The following LRRC59 variants were observed in gnomAD, a reference collection of about 807,000 sequenced individuals.
LRRC59 encodes the protein leucine-rich repeat-containing protein 59.
LRRC59 carries 18 observed loss-of-function variants against 33.5 expected under a neutral mutation model. The ratio of observed to expected loss-of-function variants is 0.54; its 90% CI spans 0.37 to 0.80. LRRC59 has a LOEUF of 0.80. Among genes scored for constraint, LRRC59 ranks in the 30% least tolerant of loss-of-function variants. The pLI is 0.00. For missense variants in LRRC59, 330 were observed against 391.9 expected (o/e 0.84, Z 1.33); for synonymous variants, 138 against 160.0 (o/e 0.86, Z 1.04).
Position 50,392,720 on chromosome 17 carries a change from C to T in LRRC59, c.324+19G>A, listed in dbSNP as rs950240419. ...TCTCTGCCACCCTGGCCATGAAACACTGGTTCATGAATTGTTACCTTGAGC... is the reference window on the plus strand; with the variant it reads ...TCTCTGCCACCCTGGCCATGAAACATTGGTTCATGAATTGTTACCTTGAGC... On this transcript the variant is annotated intron_variant, in intron 3 of 6. Coordinates refer to ENST00000225972, the MANE Select transcript of LRRC59 (RefSeq NM_018509.4). The T allele has an allele frequency of 6.2e-7, 1 of 1,610,866 alleles. No individual in the cohort carries two copies. Among genetic ancestry groups the T allele is most frequent in the African/African-American group, 1.3e-5 (1 of 75,002 alleles).
intron 4 of LRRC59, among the ~76,000 whole-genome samples, chr17:50,388,986 A>C (rs1320917855): frequency 1.3e-5 from 2 of 152,214 alleles, no homozygotes; most frequent in African/African-American, 4.8e-5. Context: ...AGCTAATTGC[A>C]GGCATTCAAT....
At chr17:50,394,663 A>C (rs548993577) in intron 2 of LRRC59, among the ~76,000 whole-genome samples, 1 of 152,218 alleles carries the variant, frequency 6.6e-6, no homozygotes, top group Non-Finnish European at 1.5e-5. Context: ...TAAGTTACTC[A>C]GCACCCTGTT....
chr17:50,389,598 A>C (rs1461799311), intron 4 of LRRC59, among the ~76,000 whole-genome samples: 1 of 152,256 alleles, frequency 6.6e-6, no homozygotes, highest in African/African-American at 2.4e-5. Context: ...AGAAAAAAGA[A>C]GAAAACCCAA....
chr17:50,394,392 G>C (rs990373789), intron 2 of LRRC59, among the ~76,000 whole-genome samples: 2 of 152,136 alleles, frequency 1.3e-5, no homozygotes, highest in Non-Finnish European at 2.9e-5. Flanking sequence ...AAAATAAAAA[G>C]GATTTGATCA....
Position 50,388,057 on chromosome 17 carries a change from T to G in LRRC59, c.502+3A>C. 6.2e-7 allele frequency: 1 copy of G among 1,614,162 alleles called. No individual in the cohort carries two copies. Among genetic ancestry groups the G allele is most frequent in the Non-Finnish European group, 8.5e-7 (1 of 1,180,000 alleles). On this transcript the variant is annotated splice_donor_region_variant and intron_variant, in intron 5 of 6. Transcript: ENST00000225972. Reference sequence around the variant, plus strand: ...GATAACTACAAGAGGGACAGCCACCTACCACGTTCTACTTCCAGCCGCCGC... The same window carrying G: ...GATAACTACAAGAGGGACAGCCACCGACCACGTTCTACTTCCAGCCGCCGC...
In LRRC59 at chr17:50,397,223, A is replaced by G; in HGVS notation, c.95T>C (p.Val32Ala). 1 of 1,599,882 alleles carries G rather than the reference A, an allele frequency of 6.3e-7. No homozygotes were observed. The highest frequency in any genetic ancestry group is 8.5e-7 in the Non-Finnish European group (1 of 1,174,120). The change falls in exon 1 of 7, where the codon GTG becomes GCG. Residue 32 changes from valine to alanine, a missense_variant. Val to Ala is a moderately conservative substitution (Grantham distance 64, BLOSUM62 0). Transcript: ENST00000225972. ...LSLSDLNEVPVKELAALPKAT... is the reference protein window; with the variant it reads ...LSLSDLNEVPAKELAALPKAT... ...CGGGACGATACTGACCAGCTCCTTC[A>G]CCGGGACCTCATTCAGGTCGCTGAG...
At chr17:50,384,575 G>A (rs1448246062) in intron 6 of LRRC59, among the ~76,000 whole-genome samples, 1 of 152,084 alleles carries the variant, frequency 6.6e-6, no homozygotes, top group Non-Finnish European at 1.5e-5. Context: ...AGACCAGCCC[G>A]ACCAACATGC....
At position 50,392,626 on chromosome 17, in the gene LRRC59, C is replaced by CT. The variant is rs1324489969; in HGVS notation, c.324+112dup. On this transcript the variant is annotated intron_variant, in intron 3 of 6. Coordinates refer to ENST00000225972, the MANE Select transcript of LRRC59 (RefSeq NM_018509.4). ...GTGTTCCACATATAGGGAGCGCCAT[C>CT]TGAGGCAGGACCAACAAGGGGGTAT... 3 of 1,504,094 alleles carry CT rather than the reference C, an allele frequency of 2.0e-6. No individual in the cohort carries two copies. In the Admixed American group the frequency reaches 5.2e-5, roughly 26 times the overall value. 93.2% of individuals were successfully genotyped at this position (1,504,094 alleles called of 1,614,324 possible).
chr17:50,397,378 G>GT lies in LRRC59; in HGVS notation c.-62dup. On this transcript the variant is annotated 5_prime_UTR_variant, in exon 1 of 7. Coordinates refer to ENST00000225972, the MANE Select transcript of LRRC59 (RefSeq NM_018509.4). ...TCCGGCGGGTGAAAGGAGCTGAAAT[G>GT]TCGCTTGTCAGTTCAGCGGCCCCCC... 1.5e-6 allele frequency: 2 copies of GT among 1,364,516 alleles called. No homozygotes were observed. Among genetic ancestry groups the GT allele is most frequent in the Non-Finnish European group, 2.0e-6 (2 of 986,278 alleles). 84.5% of individuals were successfully genotyped at this position (1,364,516 alleles called of 1,614,324 possible). A position where few individuals can be genotyped will look rare whatever the true frequency, so the allele number is the denominator to read the frequency against.
rs1598366233 is a variant in LRRC59 at position 50,381,338 on chromosome 17, C to A, written c.*1650G>T. 2.4e-5 allele frequency: 5 copies of A among 209,246 alleles called. No individual in the cohort carries two copies. In the East Asian group the frequency reaches 5.7e-4, roughly 24 times the overall value. The allele number at this position is 209,246 out of a possible 1,614,324, so 13.0% of individuals were successfully genotyped here. A position where few individuals can be genotyped will look rare whatever the true frequency, so the allele number is the denominator to read the frequency against. ...TGCGGGTTGGCTTGACTGGGCTCAG[C>A]CACTGAGCTGCCTCAACCGGCCAAG... On this transcript the variant is annotated 3_prime_UTR_variant, in exon 7 of 7. Coordinates refer to ENST00000225972, the MANE Select transcript of LRRC59 (RefSeq NM_018509.4).
chr17:50,385,837 A>C (rs1021526365), intron 5 of LRRC59, among the ~76,000 whole-genome samples: 2 of 152,176 alleles, frequency 1.3e-5, no homozygotes, highest in African/African-American at 4.8e-5. Context: ...AGCTGGGAGT[A>C]TCACTTGAGG....
At chr17:50,388,276 C>G (rs923931359) in intron 4 of LRRC59, 144 bp from the exon 5 acceptor site, 1 of 710,488 alleles carries the variant, frequency 1.4e-6, no homozygotes, top group African/African-American at 1.8e-5. Flanking sequence ...TGGTGGCTCA[C>G]GCCTGTAACC....
chr17:50,387,160 T>C (rs1051239170), intron 5 of LRRC59, among the ~76,000 whole-genome samples: 2 of 150,232 alleles, frequency 1.3e-5, no homozygotes, highest in Admixed American at 6.6e-5. Context: ...TATGACAGAG[T>C]GACAGGTAGA....
chr17:50,397,115 G>T (rs1327951340), intron 1 of LRRC59, 98 bp downstream of exon 1: 2 of 940,940 alleles, frequency 2.1e-6, no homozygotes, highest in Non-Finnish European at 3.1e-6. Context: ...TTAAAGAAAA[G>T]GAAACTGATG....
In LRRC59 at chr17:50,382,152, G is replaced by T. The variant is rs1913871211; in HGVS notation, c.*836C>A. 1 of 152,580 alleles carries T rather than the reference G, an allele frequency of 6.6e-6. No homozygotes were observed. The highest frequency in any genetic ancestry group is 1.5e-5 in the Non-Finnish European group (1 of 68,038). The allele number at this position is 152,580 out of a possible 1,614,324, so 9.5% of individuals were successfully genotyped here. ...TATGGAAGCCACATAAGTTGGGCAG[G>T]ACTCCACAGGAGCTGCCCGTGACCT... On this transcript the variant is annotated 3_prime_UTR_variant, in exon 7 of 7. Coordinates refer to ENST00000225972, the MANE Select transcript of LRRC59 (RefSeq NM_018509.4).
At chr17:50,384,883 C>T (rs556506734) in intron 6 of LRRC59, among the ~76,000 whole-genome samples, 1 of 152,112 alleles carries the variant, frequency 6.6e-6, no homozygotes, top group East Asian at 1.9e-4. Flanking sequence ...CAAGATACAT[C>T]TGACCCAAAC....
chr17:50,386,187 AAG>A (rs1913999280), intron 5 of LRRC59: 1 of 152,204 alleles, frequency 6.6e-6, no homozygotes, highest in African/African-American at 2.4e-5. Context: ...AGAAGGAAGA[AAG>A]AAATCTCTAA....
intron 5 of LRRC59, chr17:50,386,086 C>CAA (rs1913994445): frequency 1.3e-5 from 2 of 151,890 alleles, no homozygotes; most frequent in Non-Finnish European, 2.9e-5. Context: ...GTAACAATGG[C>CAA]AATGTGTTCT....
In LRRC59 at chr17:50,381,982, G is replaced by T. The variant is rs1277059200; in HGVS notation, c.*1006C>A. On this transcript the variant is annotated 3_prime_UTR_variant, in exon 7 of 7. Coordinates refer to ENST00000225972, the MANE Select transcript of LRRC59 (RefSeq NM_018509.4). ...GACACTTCAAAACCTGCAGAAGCAG[G>T]TTGCCTTTGAGGTATTTAGTCACAC... 6.6e-6 allele frequency: 1 copy of T among 152,616 alleles called. No homozygotes were observed. Among genetic ancestry groups the T allele is most frequent in the Non-Finnish European group, 1.5e-5 (1 of 68,036 alleles). 9.5% of individuals were successfully genotyped at this position (152,616 alleles called of 1,614,324 possible).
Sources: gnomAD v4.1 joint callset for allele counts (sites outside exome capture counted in the v4.1 genomes callset) on GRCh38, gnomAD v4.1.1 for gene constraint, MANE v1.5 for transcripts, NCBI Gene and HGNC (gene_info 2026-07-23, HGNC 2026-07-21) for gene names.